The following SLC28A3 variants were observed in gnomAD, a reference collection of about 807,000 sequenced individuals.
SLC28A3 encodes concentrative Na(+)-nucleoside cotransporter 3.
SLC28A3 carries 68 observed loss-of-function variants against 84.2 expected under a neutral mutation model. The observed-to-expected ratio is 0.81, with a 90% CI of 0.66 to 0.99. The LOEUF is 0.99. SLC28A3 is among the 50% of genes least tolerant of loss of function. The pLI, the probability that SLC28A3 is intolerant of heterozygous loss-of-function variation, is 0.00. For missense variants in SLC28A3, 712 were observed against 841.5 expected, an observed-to-expected ratio of 0.85 and a Z score of 1.90; for synonymous variants, 267 against 303.6, an observed-to-expected ratio of 0.88 and a Z score of 1.25.
intron 8 of SLC28A3, among the ~76,000 whole-genome samples, chr9:84,294,820 C>G (rs1250614425): frequency 6.6e-6 from 1 of 152,144 alleles, no homozygotes; most frequent in South Asian, 2.1e-4. Flanking sequence ...AACTAAGGAA[C>G]CTGGGAGCGG....
In SLC28A3 at chr9:84,292,765, G is replaced by A. The variant is rs368900930; in HGVS notation, c.943-17C>T. ...CCATCCAACCTAAAAGGAAGAAAGG[G>A]ACAAAGTCAGCAAAGAACTTTTTGT... On this transcript the variant is annotated splice_polypyrimidine_tract_variant and intron_variant, in intron 9 of 17. Coordinates refer to ENST00000376238, the MANE Select transcript of SLC28A3 (RefSeq NM_001199633.2). 4.6e-6 allele frequency: 7 copies of A among 1,527,848 alleles called. No homozygotes were observed. The highest frequency in any genetic ancestry group is 1.4e-5 in the African/African-American group (1 of 70,672). The allele number at this position is 1,527,848 out of a possible 1,614,324, so 94.6% of individuals were successfully genotyped here.
chr9:84,302,348 G>A lies in SLC28A3; in HGVS notation c.376C>T (p.His126Tyr), dbSNP rs780482408. 1 of 1,614,084 alleles carries A rather than the reference G, an allele frequency of 6.2e-7. No homozygotes were observed. Among genetic ancestry groups the A allele is most frequent in the Non-Finnish European group, 8.5e-7 (1 of 1,179,998 alleles). Reference sequence around the variant, plus strand: ...ATCACAAAAAGAGGAAGGGCTCTGTGAAAGTTCAGCACACAGGCCGAAATC... The same window carrying A: ...ATCACAAAAAGAGGAAGGGCTCTGTAAAAGTTCAGCACACAGGCCGAAATC... ...MVISACVLNF[H>Y]RALPLFVITV... Residue 126 changes from histidine to tyrosine, a missense_variant, in exon 5 of 18, where the codon CAC (histidine) becomes TAC (tyrosine). By Grantham distance (83) the His-to-Tyr change is moderately conservative (BLOSUM62 2). Coordinates refer to ENST00000376238, the MANE Select transcript of SLC28A3 (RefSeq NM_001199633.2).
intron 1 of SLC28A3, among the ~76,000 whole-genome samples, chr9:84,332,951 AG>A (rs1826844435): frequency 6.6e-6 from 1 of 152,194 alleles, no homozygotes; most frequent in African/African-American, 2.4e-5. Flanking sequence ...TAACTGACAA[AG>A]GGCTTGTCAA....
chr9:84,354,373 C>T, the SLC28A3 span, among the ~76,000 whole-genome samples: 2 of 152,204 alleles, frequency 1.3e-5, no homozygotes, highest in Non-Finnish European at 2.9e-5. Flanking sequence ...ATACCATCCC[C>T]CCTGAAAGGA....
chr9:84,347,587 G>A, the SLC28A3 span, among the ~76,000 whole-genome samples: 1 of 152,168 alleles, frequency 6.6e-6, no homozygotes, highest in East Asian at 1.9e-4. Context: ...CTAATAAAAT[G>A]GTGAAAGGCT....
intron 4 of SLC28A3, 149 bp from the exon 5 acceptor site, chr9:84,302,538 T>A: frequency 1.4e-6 from 1 of 707,156 alleles, no homozygotes; most frequent in South Asian, 2.2e-5. Context: ...GCTACTGGCT[T>A]CTTTGATGGG....
rs11568401 is a variant in SLC28A3 at position 84,340,623 on chromosome 9, C to T, written c.11G>A (p.Arg4Lys). The T allele has an allele frequency of 7.7e-5, 125 of 1,614,162 alleles. No homozygotes were observed. In the Admixed American group the frequency reaches 1.9e-3, roughly 25 times the overall value. The change falls in exon 1 of 18, where the codon AGG becomes AAG. Residue 4 changes from arginine to lysine, a missense_variant. Coordinates refer to ENST00000376238, the MANE Select transcript of SLC28A3 (RefSeq NM_001199633.2). ...CTCAGCTCTGGGGGCTGCTGTACTCCTCAGCTCCATGCTCTTTTTGCTGCT... is the reference window on the plus strand; with the variant it reads ...CTCAGCTCTGGGGGCTGCTGTACTCTTCAGCTCCATGCTCTTTTTGCTGCT... Reference protein sequence around the residue: MELRSTAAPRAEGY... With the variant: MELKSTAAPRAEGY...
intron 10 of SLC28A3, among the ~76,000 whole-genome samples, chr9:84,291,611 C>T (rs1277513801): frequency 2.0e-5 from 3 of 152,238 alleles, no homozygotes; most frequent in Non-Finnish European, 4.4e-5. Context: ...GTTGGGATTA[C>T]AGGCGTGAGC....
At position 84,275,730 on chromosome 9, in the gene SLC28A3, G is replaced by C. The variant is rs1287007772; in HGVS notation, c.*2488C>G. On this transcript the variant is annotated 3_prime_UTR_variant, in exon 18 of 18. Transcript: ENST00000376238. ...TTTCTGGGGGTAACAAGCTCAAGAG[G>C]CTTAACCAGCTCATTTTCCTGGTCC... is the stretch of plus-strand genomic sequence containing the variant. The C allele has an allele frequency of 6.6e-6, 1 of 152,118 alleles. No individual in the cohort carries two copies. The highest frequency in any genetic ancestry group is 2.4e-5 in the African/African-American group (1 of 41,404). The allele number at this position is 152,118 out of a possible 1,614,324, so 9.4% of individuals were successfully genotyped here. A position where few individuals can be genotyped will look rare whatever the true frequency, so the allele number is the denominator to read the frequency against.
chr9:84,352,716 C>A, the SLC28A3 span, among the ~76,000 whole-genome samples: 8,068 of 151,262 alleles, frequency 0.053, 436 homozygotes, highest in East Asian at 0.17. Flanking sequence ...GAAACCCTGT[C>A]TCTACTAAAA....
Position 84,328,800 on chromosome 9 carries a change from T to G in SLC28A3, c.60+11774A>C, listed in dbSNP as rs1018029141. Among the ~76,000 whole-genome samples, 8 of 151,950 alleles carry G rather than the reference T, an allele frequency of 5.3e-5. No individual in the cohort carries two copies. In the East Asian group the frequency reaches 1.5e-3, roughly 29 times the overall value. On this transcript the variant is annotated intron_variant, in intron 1 of 17. Coordinates refer to ENST00000376238, the MANE Select transcript of SLC28A3 (RefSeq NM_001199633.2). ...AAAATTAGCCAGGCACAGTGACAGG[T>G]GCCTGTAGTCCCAGCTACTCAGGAG...
Position 84,290,157 on chromosome 9 carries a change from A to G in SLC28A3, c.1146T>C (p.Phe382=), listed in dbSNP as rs1319614624. 1 of 1,613,338 alleles carries G rather than the reference A, an allele frequency of 6.2e-7. No individual in the cohort carries two copies. Among genetic ancestry groups the G allele is most frequent in the South Asian group, 1.1e-5 (1 of 90,978 alleles). Residue 382 remains phenylalanine (F), a synonymous_variant, in exon 11 of 18, where the codon TTT becomes TTC. Transcript: ENST00000376238. ...CATAATTCCAAAACATTCTTACCCC[A>G]AAAGAAATGTATGCACCTAGCACGC... is the stretch of plus-strand genomic sequence containing the variant. ...AGSVLGAYIS[F]GVPSSHLLTA...
chr9:84,285,987 A>G lies in SLC28A3; in HGVS notation c.1405T>C (p.Ser469Pro). The change falls in exon 13 of 18, where the codon TCC (serine) becomes CCC (proline). Residue 469 changes from serine to proline, a missense_variant. Physicochemically the swap from Ser to Pro is moderately conservative, Grantham distance 74. Transcript: ENST00000376238. ...TAGTCAAACATGTTTCCAAACCAGGACAGGGCTGAATTCATAAAAGACAGC... is the reference window on the plus strand; with the variant it reads ...TAGTCAAACATGTTTCCAAACCAGGGCAGGGCTGAATTCATAAAAGACAGC... ...ALLSFMNSAL[S>P]WFGNMFDYPQ... 1 of 1,614,094 alleles carries G rather than the reference A, an allele frequency of 6.2e-7. No homozygotes were observed. The highest frequency in any genetic ancestry group is 1.7e-5 in the Admixed American group (1 of 60,008).
chr9:84,340,760 G>T, upstream of SLC28A3: 107 of 953,024 alleles, frequency 1.1e-4, no homozygotes, highest in East Asian at 2.1e-4. Flanking sequence ...CTTCAGTTTG[G>T]AAACTTCTGC....
intron 1 of SLC28A3, among the ~76,000 whole-genome samples, chr9:84,336,942 G>A (rs1826997073): frequency 6.6e-6 from 1 of 151,988 alleles, no homozygotes; most frequent in African/African-American, 2.4e-5. Context: ...CCCTCCTTTG[G>A]TGATGCTGTC....
At chr9:84,350,945 G>A in the SLC28A3 span, among the ~76,000 whole-genome samples, 1 of 152,072 alleles carries the variant, frequency 6.6e-6, no homozygotes, top group African/African-American at 2.4e-5. Context: ...GACCTCAAGT[G>A]ATCCTCCCAC....
chr9:84,359,196 G>T, the SLC28A3 span, among the ~76,000 whole-genome samples: 1 of 152,288 alleles, frequency 6.6e-6, no homozygotes, highest in African/African-American at 2.4e-5. Flanking sequence ...CTGTTATGGA[G>T]CACATTGGGC....
intron 1 of SLC28A3, among the ~76,000 whole-genome samples, chr9:84,325,193 C>T (rs1826511368): frequency 6.6e-6 from 1 of 152,032 alleles, no homozygotes; most frequent in African/African-American, 2.4e-5. Context: ...GCCTCTCCTA[C>T]CTTTTATTTA....
chr9:84,285,812 G>A, intron 13 of SLC28A3, 131 bp downstream of exon 13: 1 of 1,102,846 alleles, frequency 9.1e-7, no homozygotes, highest in South Asian at 1.7e-5. Context: ...GGAAGTTGGG[G>A]GATGCATGAG....
Sources: allele counts gnomAD v4.1 joint callset (sites outside exome capture counted in the v4.1 genomes callset), GRCh38; gene constraint gnomAD v4.1.1; transcripts MANE v1.5; gene names NCBI Gene and HGNC (gene_info 2026-07-23, HGNC 2026-07-21).